PCDHA12: variants seen among roughly 807,000 people sequenced by gnomAD.
The protein encoded by PCDHA12 is protocadherin alpha 12.
In PCDHA12, 44 loss-of-function variants were observed where a neutral mutation model predicts 60.0. The ratio of observed to expected loss-of-function variants is 0.73; its 90% confidence interval spans 0.58 to 0.94. The LOEUF (loss-of-function observed/expected upper bound fraction) is 0.94. Ranked by LOEUF, PCDHA12 falls within the 40% of genes least tolerant of loss-of-function variation. PCDHA12 has a pLI of 0.00. For synonymous variants in PCDHA12, 569 were observed against 553.0 expected (o/e 1.03, Z -0.40); for missense variants, 1,276 against 1,239.7 (o/e 1.03, Z -0.44).
At chr5:140,895,897 C>T (rs994708254) in intron 1 of PCDHA12, among the ~76,000 whole-genome samples, 25 of 152,240 alleles carry the variant, frequency 1.6e-4, no homozygotes, top group African/African-American at 5.3e-4. Flanking sequence ...CTGCAACCTC[C>T]GCGTCCCGGG....
intron 1 of PCDHA12, among the ~76,000 whole-genome samples, chr5:140,897,071 A>AT (rs1433909021): frequency 3.3e-5 from 5 of 151,872 alleles, no homozygotes; most frequent in African/African-American, 1.2e-4. Flanking sequence ...TGTCTTATTC[A>AT]TTTTTTCTAT....
chr5:140,927,204 G>A, intron 1 of PCDHA12: 1 of 1,614,112 alleles, frequency 6.2e-7, no homozygotes, highest in Non-Finnish European at 8.5e-7. Context: ...TCGAGGACCC[G>A]CTGGAGCTGC....
chr5:140,917,327 GGGA>G (rs1563018681), intron 1 of PCDHA12, among the ~76,000 whole-genome samples: 5 of 149,526 alleles, frequency 3.3e-5, no homozygotes, highest in Admixed American at 6.6e-5. Context: ...CATGTGGCGG[GGGA>G]GGGGGGGGAT....
At chr5:140,928,592 T>A in intron 1 of PCDHA12, 1 of 1,614,178 alleles carries the variant, frequency 6.2e-7, no homozygotes, top group Non-Finnish European at 8.5e-7. Flanking sequence ...TCTGTCCCAG[T>A]GGAAATTGTG....
intron 1 of PCDHA12, chr5:140,883,585 C>G: frequency 6.2e-7 from 1 of 1,614,028 alleles, no homozygotes; most frequent in Non-Finnish European, 8.5e-7. Flanking sequence ...GGGCCACGGC[C>G]AGCGTGTCGG....
chr5:140,997,781 C>G (rs1207024588), intron 3 of PCDHA12, among the ~76,000 whole-genome samples: 1 of 151,626 alleles, frequency 6.6e-6, no homozygotes, highest in Non-Finnish European at 1.5e-5. Context: ...TGTTGTATAC[C>G]TATATTATAA....
intron 3 of PCDHA12, among the ~76,000 whole-genome samples, chr5:140,997,260 T>G (rs1364203100): frequency 6.6e-6 from 1 of 152,196 alleles, no homozygotes; most frequent in Admixed American, 6.5e-5. Flanking sequence ...GGTTCACTCT[T>G]CCAAATATTT....
In PCDHA12 at chr5:140,882,894, G is replaced by A. The variant is rs1554176001; in HGVS notation, c.2367+5055G>A. The A allele has an allele frequency of 5.6e-6, 9 of 1,614,190 alleles. No homozygotes were observed. The East Asian group carries it at 1.3e-4, about 24-fold the overall frequency. The stretch of plus-strand genomic sequence containing the variant: ...GACAGAGAGGAAATTCAGGAACATA[G>A]TTTATTACTGACAGCCAGTGATGGA... On this transcript the variant is annotated intron_variant, in intron 1 of 3. Coordinates refer to ENST00000398631, the MANE Select transcript of PCDHA12 (RefSeq NM_018903.4).
At position 140,897,120 on chromosome 5, in the gene PCDHA12, C is replaced by T. The variant is rs116233032; in HGVS notation, c.2367+19281C>T. Among the ~76,000 whole-genome samples, 1,215 of 152,248 alleles carry T rather than the reference C, an allele frequency of 8.0e-3. 5 individuals are homozygous for T. The highest frequency in any genetic ancestry group is 0.019 in the African/African-American group (784 of 41,540). On this transcript the variant is annotated intron_variant, in intron 1 of 3. Coordinates refer to ENST00000398631, the MANE Select transcript of PCDHA12 (RefSeq NM_018903.4). ...TAAAAATCTCCACTTTCTGTCCACA[C>T]CCCACTAAACTTTCTAGCCTTTGTT... is the stretch of plus-strand genomic sequence containing the variant.
chr5:140,963,850 A>T (rs2095793640), intron 1 of PCDHA12, among the ~76,000 whole-genome samples: 1 of 152,244 alleles, frequency 6.6e-6, no homozygotes. Flanking sequence ...TAATCATAAT[A>T]ATAACCGTAT....
In PCDHA12 at chr5:140,996,798, A is replaced by G. The variant is rs528740592; in HGVS notation, c.2516-12829A>G. Among the ~76,000 whole-genome samples, 4 of 152,268 alleles carry G rather than the reference A, an allele frequency of 2.6e-5. No individual in the cohort carries two copies. In the East Asian group the frequency reaches 5.8e-4, roughly 22 times the overall value. ...AGTAGTGCCTCACTCCCTACATCCA[A>G]TCATGCTTTCCAAAAGTAACCACTA... On this transcript the variant is annotated intron_variant, in intron 3 of 3. Coordinates refer to ENST00000398631, the MANE Select transcript of PCDHA12 (RefSeq NM_018903.4).
At chr5:140,880,509 T>G (rs754891409) in intron 1 of PCDHA12, among the ~76,000 whole-genome samples, 134 of 152,182 alleles carry the variant, frequency 8.8e-4, no homozygotes, top group Non-Finnish European at 1.6e-3. Flanking sequence ...TTCTGTTTGG[T>G]CACATCTCTC....
intron 1 of PCDHA12, among the ~76,000 whole-genome samples, chr5:140,952,639 G>C (rs2094775564): frequency 6.6e-6 from 1 of 152,102 alleles, no homozygotes; most frequent in Non-Finnish European, 1.5e-5. Flanking sequence ...ATTCCAACCT[G>C]TGCCTGGTTA....
chr5:140,917,294 G>A (rs1369973116), intron 1 of PCDHA12, among the ~76,000 whole-genome samples: 2 of 143,498 alleles, frequency 1.4e-5, no homozygotes, highest in Non-Finnish European at 3.0e-5. Flanking sequence ...TCCGTGTGCA[G>A]ATAGTTGTTA....
At position 140,877,432 on chromosome 5, in the gene PCDHA12, C is replaced by T; in HGVS notation, c.1960C>T (p.His654Tyr). 6.2e-7 allele frequency: 1 copy of T among 1,613,874 alleles called. No homozygotes were observed. The highest frequency in any genetic ancestry group is 8.5e-7 in the Non-Finnish European group (1 of 1,179,868). The change falls in exon 1 of 4, where the codon CAC (histidine) becomes TAC (tyrosine). Residue 654 changes from histidine to tyrosine, a missense_variant. His to Tyr is a moderately conservative substitution (Grantham distance 83). Transcript: ENST00000398631. ...RHRLLVLVKD[H>Y]GEPALTSTAT... Reference sequence around the variant, plus strand: ...CCGCCTGCTGGTGCTGGTGAAGGACCACGGTGAGCCCGCGCTGACGTCCAC... The same window carrying T: ...CCGCCTGCTGGTGCTGGTGAAGGACTACGGTGAGCCCGCGCTGACGTCCAC...
chr5:140,917,837 T>G (rs2078388052), intron 1 of PCDHA12, among the ~76,000 whole-genome samples: 1 of 152,174 alleles, frequency 6.6e-6, no homozygotes, highest in Non-Finnish European at 1.5e-5. Context: ...GATGTCCTTC[T>G]TGTTCTTTTT....
In PCDHA12 at chr5:140,877,706, T is replaced by C. The variant is rs142399025; in HGVS notation, c.2234T>C (p.Val745Ala). The change falls in exon 1 of 4, where the codon GTG (valine) becomes GCG (alanine). Residue 745 changes from valine (V) to alanine (A), a missense_variant. Coordinates refer to ENST00000398631, the MANE Select transcript of PCDHA12 (RefSeq NM_018903.4). ...GKPTLVCSSAVGSWSYSQQRR... is the reference protein window; with the variant it reads ...GKPTLVCSSAAGSWSYSQQRR... ...CCCACGCTGGTGTGCTCCAGCGCCG[T>C]GGGGAGTTGGTCTTACTCGCAGCAG... is the stretch of plus-strand genomic sequence containing the variant. The C allele has an allele frequency of 5.8e-4, 943 of 1,613,918 alleles. 7 individuals carry two copies. In the African/African-American group the frequency reaches 0.011, roughly 19 times the overall value.
rs374310903 is a variant in PCDHA12 at position 140,968,575 on chromosome 5, G to A, written c.2368-10374G>A. 16 of 1,614,016 alleles carry A rather than the reference G, an allele frequency of 9.9e-6. No homozygotes were observed. In the African/African-American group the frequency reaches 2.1e-4, roughly 22 times the overall value. ...CTCGAACTGCCCCTGCTGGCTACCT[G>A]GTCACCAAAGTCATAGCTATGGACT... On this transcript the variant is annotated intron_variant, in intron 1 of 3. Transcript: ENST00000398631.
Position 140,932,248 on chromosome 5 carries a change from T to C in PCDHA12, c.2368-46701T>C, listed in dbSNP as rs1424091954. Among the ~76,000 whole-genome samples the C allele has an allele frequency of 2.6e-5, 4 of 152,016 alleles. No individual in the cohort carries two copies. In the East Asian group the frequency reaches 7.7e-4, roughly 29 times the overall value. On this transcript the variant is annotated intron_variant, in intron 1 of 3. Coordinates refer to ENST00000398631, the MANE Select transcript of PCDHA12 (RefSeq NM_018903.4). ...TTTTTTAGAATGGTATCTAAGAGGG[T>C]ACCTCTGAGATATAAATTTCTACTT... is the stretch of plus-strand genomic sequence containing the variant.
Sources: allele counts gnomAD v4.1 joint callset (sites outside exome capture counted in the v4.1 genomes callset), GRCh38; gene constraint gnomAD v4.1.1; transcripts MANE v1.5; gene names NCBI Gene and HGNC (gene_info 2026-07-23, HGNC 2026-07-21).